BBS7: variants seen among roughly 807,000 people sequenced by gnomAD.
BBS7 encodes the protein Bardet-Biedl syndrome 7, also known as BBSome complex member BBS7.
Under a neutral mutation model 90.3 loss-of-function variants are expected in BBS7, and 50 were observed. The ratio of observed to expected loss-of-function variants is 0.55; its 90% CI spans 0.44 to 0.70. The LOEUF is 0.70. BBS7 is among the 30% of genes least tolerant of loss of function. The pLI is 0.00. For synonymous variants in BBS7, 235 were observed against 287.4 expected (o/e 0.82, Z 1.85); for missense variants, 729 against 838.9 (o/e 0.87, Z 1.62).
intron 4 of BBS7, 130 bp downstream of exon 4, chr4:121,861,370 TCTGA>T (rs1726968945): frequency 6.9e-6 from 6 of 863,538 alleles, no homozygotes; most frequent in Admixed American, 3.1e-5. Flanking sequence ...AAATTTAGTT[TCTGA>T]CTAATAAAAT....
chr4:121,843,423 G>A (rs1227772928), intron 12 of BBS7, among the ~76,000 whole-genome samples: 2 of 152,114 alleles, frequency 1.3e-5, no homozygotes, highest in African/African-American at 4.8e-5. Flanking sequence ...GGGTAGGAAT[G>A]AAGCCAAGTG....
rs776931328 is a variant in BBS7 at position 121,839,668 on chromosome 4, T to C, written c.1334A>G (p.Tyr445Cys). The change falls in exon 13 of 19, where the codon TAT becomes TGT. Residue 445 changes from tyrosine (Y) to cysteine (C), a missense_variant. Coordinates refer to ENST00000264499, the MANE Select transcript of BBS7 (RefSeq NM_176824.3). ...CCTTGTAGTATCTGCCTGGCACCGA[T>C]AAGTGGCAAGAAGGAAGTTGTCGTT... ...ESNDNFLLATYRCQADTTRLE... is the reference protein window; with the variant it reads ...ESNDNFLLATCRCQADTTRLE... 3 of 1,613,794 alleles carry C rather than the reference T, an allele frequency of 1.9e-6. No homozygotes were observed. Among genetic ancestry groups the C allele is most frequent in the East Asian group, 2.2e-5 (1 of 44,868 alleles).
chr4:121,830,652 CAG>C (rs986152499), intron 15 of BBS7, among the ~76,000 whole-genome samples: 2 of 152,078 alleles, frequency 1.3e-5, no homozygotes, highest in Admixed American at 1.3e-4. Context: ...AACTGAAGTT[CAG>C]AGAGTTAAGC....
Position 121,832,542 on chromosome 4 carries a change from A to C in BBS7, c.1676+689T>G, listed in dbSNP as rs542480880. ...AAAGTTTAGTTTCTACTATATTGAG[A>C]AGTTGAGAGGAATTATTGGAGCTTA... On this transcript the variant is annotated intron_variant, in intron 15 of 18. Transcript: ENST00000264499. Among the ~76,000 whole-genome samples, 261 of 152,210 alleles carry C rather than the reference A, an allele frequency of 1.7e-3. 1 individual carries two copies. Among genetic ancestry groups the C allele is most frequent in the Non-Finnish European group, 1.1e-3 (75 of 68,004 alleles).
rs1180749261 is a variant in BBS7, at chr4:121,863,224, T to G, written c.158A>C (p.Glu53Ala). 6.2e-7 allele frequency: 1 copy of G among 1,613,804 alleles called. No homozygotes were observed. The highest frequency in any genetic ancestry group is 8.5e-7 in the Non-Finnish European group (1 of 1,179,802). The change falls in exon 3 of 19, where the codon GAA becomes GCA. Residue 53 changes from glutamate to alanine, a missense_variant. Physicochemically the swap from Glu to Ala is moderately radical, Grantham distance 107. Coordinates refer to ENST00000264499, the MANE Select transcript of BBS7 (RefSeq NM_176824.3). The part of the protein sequence containing the change: ...VVMCFGMKKG[E>A]AAAVFKTLPG... Reference sequence around the variant, plus strand: ...TCACAAAGCTATACTTACTGCTGCTTCTCCTTTCTTCATGCCAAAGCACAT... The same window carrying G: ...TCACAAAGCTATACTTACTGCTGCTGCTCCTTTCTTCATGCCAAAGCACAT...
chr4:121,848,831 T>C lies in BBS7; in HGVS notation c.934+13A>G. 1 of 1,604,672 alleles carries C rather than the reference T, an allele frequency of 6.2e-7. No individual in the cohort carries two copies. The highest frequency in any genetic ancestry group is 8.5e-7 in the Non-Finnish European group (1 of 1,171,990). On this transcript the variant is annotated intron_variant, in intron 9 of 18. Transcript: ENST00000264499. Reference sequence around the variant, plus strand: ...TGACTCTTTCTTCAATTACCTATTATCATTTACTTTACCTGAATATGTGGA... The same window carrying C: ...TGACTCTTTCTTCAATTACCTATTACCATTTACTTTACCTGAATATGTGGA...
intron 6 of BBS7, 82 bp from the exon 7 acceptor site, chr4:121,854,902 T>C: frequency 1.5e-6 from 2 of 1,346,806 alleles, no homozygotes; most frequent in Non-Finnish European, 2.1e-6. Context: ...TATGTAAAAA[T>C]ATCATTTTAA....
intron 3 of BBS7, 94 bp downstream of exon 3, chr4:121,863,123 C>T: frequency 1.6e-6 from 2 of 1,215,484 alleles, no homozygotes; most frequent in Non-Finnish European, 2.4e-6. Context: ...TTTCCATTAC[C>T]TGTATTTTAG....
intron 9 of BBS7, 67 bp from the exon 10 acceptor site, chr4:121,847,573 T>G: frequency 1.8e-6 from 2 of 1,129,960 alleles, no homozygotes; most frequent in Non-Finnish European, 1.3e-6. Flanking sequence ...AATTATGCAT[T>G]GTATAGCAGA....
rs1027779461 is a variant in BBS7 at position 121,825,951 on chromosome 4, C to T, written c.2057G>A (p.Gly686Asp). ...DLFIDKFKFK[G>D]TNVKTKVPLL... ...GGGTACTTTAGTTTTTACATTGGTG[C>T]CTTTAAACTTAAATTTATCTATGAA... Residue 686 changes from glycine to aspartate, a missense_variant, in exon 19 of 19, where the codon GGC becomes GAC. By Grantham distance (94) the Gly-to-Asp change is moderately conservative (BLOSUM62 -1). Coordinates refer to ENST00000264499, the MANE Select transcript of BBS7 (RefSeq NM_176824.3). 3.7e-6 allele frequency: 6 copies of T among 1,607,930 alleles called. No individual in the cohort carries two copies. In the African/African-American group the frequency reaches 8.0e-5, roughly 22 times the overall value.
rs540193952 is a variant in BBS7 at position 121,870,379 on chromosome 4, C to G, written c.-66G>C. The stretch of plus-strand genomic sequence containing the variant: ...AGGAGGGACAGAGGCTTCGGGCCCG[C>G]AGGCCTCCGACCCAGTCAGAAGGCT... On this transcript the variant is annotated 5_prime_UTR_variant, in exon 1 of 19. Transcript: ENST00000264499. 1.3e-6 allele frequency: 2 copies of G among 1,590,570 alleles called. No individual in the cohort carries two copies. The highest frequency in any genetic ancestry group is 2.2e-5 in the South Asian group (2 of 90,426).
At chr4:121,866,737 T>C (rs372769521) in intron 2 of BBS7, among the ~76,000 whole-genome samples, 22 of 152,334 alleles carry the variant, frequency 1.4e-4, no homozygotes, top group African/African-American at 5.3e-4. Context: ...CAGTTGGTTG[T>C]AGATATGTGG....
intron 1 of BBS7, among the ~76,000 whole-genome samples, chr4:121,868,296 T>TA (rs1215159716): frequency 3.3e-5 from 5 of 152,190 alleles, no homozygotes; most frequent in Admixed American, 3.3e-4. Flanking sequence ...GATGCTTTAC[T>TA]AAAAAATATC....
chr4:121,870,470 A>T lies in BBS7; in HGVS notation c.-157T>A, dbSNP rs1249137087. ...GGTCCTGGGCTGCACAGGCGGGGCG[A>T]CAGGGCAGTGGCGTCCTGCGTGACG... On this transcript the variant is annotated 5_prime_UTR_variant, in exon 1 of 19. Transcript: ENST00000264499. The T allele has an allele frequency of 7.8e-6, 6 of 767,704 alleles. No homozygotes were observed. The highest frequency in any genetic ancestry group is 1.4e-5 in the Non-Finnish European group (6 of 443,930). The allele number at this position is 767,704 out of a possible 1,614,324, so 47.6% of individuals were successfully genotyped here. A position where few individuals can be genotyped will look rare whatever the true frequency, so the allele number is the denominator to read the frequency against.
chr4:121,844,277 C>T (rs113080907), intron 11 of BBS7, among the ~76,000 whole-genome samples: 123 of 152,290 alleles, frequency 8.1e-4, no homozygotes, highest in African/African-American at 2.5e-3. Flanking sequence ...GTCCAATCAT[C>T]CCACTTATTT....
chr4:121,868,671 C>A (rs1335840814), intron 1 of BBS7, among the ~76,000 whole-genome samples: 1 of 61,466 alleles, frequency 1.6e-5, no homozygotes, highest in African/African-American at 6.9e-5. Flanking sequence ...CGTGACAGAA[C>A]AAGACCCTGT....
intron 4 of BBS7, chr4:121,861,294 A>G (rs1726965051): frequency 4.8e-6 from 2 of 414,866 alleles, no homozygotes; most frequent in Admixed American, 4.2e-5. Flanking sequence ...GTCAAAAATG[A>G]TTGTATAAAT....
chr4:121,855,333 G>C (rs1726552554), intron 6 of BBS7, 156 bp downstream of exon 6: 1 of 695,032 alleles, frequency 1.4e-6, no homozygotes, highest in South Asian at 1.5e-5. Context: ...AGAAAAAAAC[G>C]GAGAATTAAA....
chr4:121,868,944 A>G (rs1727440090), intron 1 of BBS7, among the ~76,000 whole-genome samples: 1 of 152,144 alleles, frequency 6.6e-6, no homozygotes, highest in African/African-American at 2.4e-5. Context: ...ATTCCAGAAA[A>G]TTGTATTAAA....
Sources: allele counts gnomAD v4.1 joint callset (sites outside exome capture counted in the v4.1 genomes callset), GRCh38; gene constraint gnomAD v4.1.1; transcripts MANE v1.5; gene names NCBI Gene and HGNC (gene_info 2026-07-23, HGNC 2026-07-21).